The following CFAP65 variants were observed in gnomAD, a reference collection of about 807,000 sequenced individuals.
CFAP65 encodes the protein cilia and flagella associated protein 65, also known as cilia- and flagella-associated protein 65.
CFAP65 carries 155 observed loss-of-function variants against 208.0 expected under a neutral mutation model. The ratio of observed to expected loss-of-function variants is 0.75; its 90% confidence interval spans 0.65 to 0.85. CFAP65 has a LOEUF of 0.85. Ranked by LOEUF, CFAP65 falls within the 40% of genes least tolerant of loss-of-function variation. The pLI is 0.00. For missense variants in CFAP65, 2,294 were observed against 2,451.3 expected (o/e 0.94, Z 1.36); for synonymous variants, 970 against 986.3 (o/e 0.98, Z 0.31).
chr2:219,009,010 A>T, intron 29 of CFAP65, 37 bp downstream of exon 29: 1 of 1,558,914 alleles, frequency 6.4e-7, no homozygotes, highest in Non-Finnish European at 8.8e-7. Flanking sequence ...CCAGTCAGAA[A>T]GATCTGGGTG....
rs898505571 is a variant in CFAP65, at chr2:219,004,905, C to CTCTT, written c.5052-454_5052-451dup. ...TTCTTTTCTCTCTCTCTCTATTTCT[C>CTCTT]TCTTTCTTTCTCTCTCTTTCTCTCC... On this transcript the variant is annotated intron_variant, in intron 32 of 34. Transcript: ENST00000341552. This position sits in a 1 kb window ranked among gnomAD's most constrained non-coding sequence, Gnocchi z 4.7. 1.3e-5 allele frequency among the ~76,000 whole-genome samples: 2 copies of CTCTT among 151,570 alleles called. No homozygotes were observed. The highest frequency in any genetic ancestry group is 1.3e-4 in the Admixed American group (2 of 15,212).
At chr2:219,029,864 G>A (rs1947898043) in intron 10 of CFAP65, 122 bp downstream of exon 10, 2 of 1,133,626 alleles carry the variant, frequency 1.8e-6, no homozygotes, top group Non-Finnish European at 2.5e-6. Context: ...GCCACCAGGG[G>A]GCAGCAGACA....
intron 13 of CFAP65, chr2:219,027,181 G>C (rs1288474509): frequency 8.2e-7 from 1 of 1,223,890 alleles, no homozygotes; most frequent in Non-Finnish European, 1.0e-6. Flanking sequence ...GGGGACAGCC[G>C]GCACTCGGAG....
rs1247738561 is a variant in CFAP65, at chr2:219,002,921, G to A, written c.*16C>T. On this transcript the variant is annotated 3_prime_UTR_variant, in exon 35 of 35. Coordinates refer to ENST00000341552, the MANE Select transcript of CFAP65 (RefSeq NM_194302.4). This position sits in a 1 kb window ranked among gnomAD's most constrained non-coding sequence, Gnocchi z 7.9. ...GTGACCCCTAGCGGCATGTCGGAGA[G>A]GCTGGGCGCGGGCATTTACGGAAGG... is the stretch of plus-strand genomic sequence containing the variant. 6.4e-7 allele frequency: 1 copy of A among 1,560,208 alleles called. No homozygotes were observed. Among genetic ancestry groups the A allele is most frequent in the Admixed American group, 2.0e-5 (1 of 51,174 alleles).
rs762731091 is a variant in CFAP65, at chr2:219,027,964, T to TG, written c.1896dup (p.Met633HisfsTer35). 3 of 1,515,734 alleles carry TG rather than the reference T, an allele frequency of 2.0e-6. No homozygotes were observed. The highest frequency in any genetic ancestry group is 8.8e-7 in the Non-Finnish European group (1 of 1,132,678). The allele number at this position is 1,515,734 out of a possible 1,614,324, so 93.9% of individuals were successfully genotyped here. Reference sequence around the variant, plus strand: ...GTGCCGTCGAAGAAGAACTCGGTCATGGGGGGGATATAAGGGTACTGCGGG... The same window carrying TG: ...GTGCCGTCGAAGAAGAACTCGGTCATGGGGGGGGATATAAGGGTACTGCGGG... On this transcript the variant is annotated frameshift_variant, in exon 13 of 35. Transcript: ENST00000341552. LOFTEE classifies it high-confidence loss of function.
Position 219,038,368 on chromosome 2 carries a change from T to A in CFAP65, c.357+7A>T. On this transcript the variant is annotated splice_region_variant and intron_variant, in intron 4 of 34. Coordinates refer to ENST00000341552, the MANE Select transcript of CFAP65 (RefSeq NM_194302.4). ...CCCTGCTCTGCCTGCCCTGGCTGTA[T>A]CCTTACCTGGGCGCTGATGGTGCTG... is the stretch of plus-strand genomic sequence containing the variant. The A allele has an allele frequency of 6.2e-7, 1 of 1,612,410 alleles. No individual in the cohort carries two copies. Among genetic ancestry groups the A allele is most frequent in the Non-Finnish European group, 8.5e-7 (1 of 1,179,894 alleles).
chr2:219,022,595 C>T (rs2106179376), intron 16 of CFAP65, among the ~76,000 whole-genome samples: 1 of 152,314 alleles, frequency 6.6e-6, no homozygotes, highest in South Asian at 2.1e-4. Flanking sequence ...TGCCCAGGGT[C>T]AGACAGTAGT....
At chr2:219,016,546 C>T (rs543204484) in intron 21 of CFAP65, among the ~76,000 whole-genome samples, 11 of 152,218 alleles carry the variant, frequency 7.2e-5, no homozygotes, top group African/African-American at 2.4e-4. Flanking sequence ...CTTCCCACCT[C>T]GGCCTCCCAA....
intron 26 of CFAP65, 28 bp from the exon 27 acceptor site, chr2:219,010,113 A>G (rs772460001): frequency 6.4e-7 from 1 of 1,558,360 alleles, no homozygotes; most frequent in East Asian, 2.3e-5. Flanking sequence ...AGGTAAAGAA[A>G]TAAGAACCGG....
At position 219,030,179 on chromosome 2, in the gene CFAP65, G is replaced by T; in HGVS notation, c.1191C>A (p.Ser397=). Residue 397 remains serine (S), a synonymous_variant, in exon 10 of 35, where the codon TCC becomes TCA. Coordinates refer to ENST00000341552, the MANE Select transcript of CFAP65 (RefSeq NM_194302.4). ...AVNAPFRIEI[S]PDELAEDQAF... Reference sequence around the variant, plus strand: ...CCTGGTCTTCGGCCAGTTCATCCGGGGAAATTTCAATCCTGAAGGGGGCAT... The same window carrying T: ...CCTGGTCTTCGGCCAGTTCATCCGGTGAAATTTCAATCCTGAAGGGGGCAT... 1.2e-6 allele frequency: 2 copies of T among 1,614,110 alleles called. No homozygotes were observed. The highest frequency in any genetic ancestry group is 1.3e-5 in the African/African-American group (1 of 75,008).
At chr2:219,037,122 T>C (rs1282230577) in intron 4 of CFAP65, among the ~76,000 whole-genome samples, 1 of 152,178 alleles carries the variant, frequency 6.6e-6, no homozygotes, top group Non-Finnish European at 1.5e-5. Context: ...CCGGGTGCAG[T>C]GGCTCACGCC....
chr2:219,015,714 C>T (rs940786198), intron 21 of CFAP65: 14 of 152,108 alleles, frequency 9.2e-5, no homozygotes, highest in African/African-American at 3.1e-4. Context: ...CTTATGTGCA[C>T]GCAACGCACA....
chr2:219,027,348 A>G, intron 13 of CFAP65: 1 of 1,448,696 alleles, frequency 6.9e-7, no homozygotes, highest in Non-Finnish European at 9.1e-7. Flanking sequence ...GAGGCCTCCT[A>G]GCCAGGAGCC....
At position 219,009,394 on chromosome 2, in the gene CFAP65, T is replaced by C. The variant is rs746567608; in HGVS notation, c.4519A>G (p.Arg1507Gly). The C allele has an allele frequency of 9.3e-6, 15 of 1,612,648 alleles. 1 individual carries two copies. In the South Asian group the frequency reaches 1.2e-4, roughly 13 times the overall value. ...EETVPFVVTL[R>G]ASVHASFYSA... Reference sequence around the variant, plus strand: ...TAGAAGCTGGCATGCACAGAGGCCCTCAAGGTCACCACAAATGGGACCGTC... The same window carrying C: ...TAGAAGCTGGCATGCACAGAGGCCCCCAAGGTCACCACAAATGGGACCGTC... The change falls in exon 28 of 35, where the codon AGG becomes GGG. Residue 1507 changes from arginine to glycine, a missense_variant. Physicochemically the swap from Arg to Gly is moderately radical, Grantham distance 125. Around this residue, in one of 2 missense-constraint regions of CFAP65, gnomAD observed 1,427 missense variants for 1,438.7 expected, o/e 0.99. Transcript: ENST00000341552.
chr2:219,035,326 G>T, intron 5 of CFAP65, 154 bp downstream of exon 5: 1 of 1,548,778 alleles, frequency 6.5e-7, no homozygotes, highest in Non-Finnish European at 8.7e-7. Context: ...GATTATAGCT[G>T]CATAATTATT....
intron 16 of CFAP65, among the ~76,000 whole-genome samples, 165 bp downstream of exon 16, chr2:219,023,042 G>T (rs770859552): frequency 6.6e-6 from 1 of 152,216 alleles, no homozygotes; most frequent in African/African-American, 2.4e-5. Context: ...TTTGTAAAAT[G>T]GTGGGGGGAT....
rs5838715 is a variant in CFAP65 at position 219,031,925 on chromosome 2, C to CTT, written c.646-269_646-268dup. 6.1e-5 allele frequency among the ~76,000 whole-genome samples: 8 copies of CTT among 131,372 alleles called. No homozygotes were observed. Among genetic ancestry groups the CTT allele is most frequent in the Non-Finnish European group, 9.9e-5 (6 of 60,864 alleles). 86.2% of individuals were successfully genotyped at this position (131,372 alleles called of 152,430 possible). ...ATGTAGAAGGGGTTTCTTTTCTTTT[C>CTT]TTTTTTTTTTTTTTTTTTTGAGTCT... On this transcript the variant is annotated intron_variant, in intron 6 of 34. Coordinates refer to ENST00000341552, the MANE Select transcript of CFAP65 (RefSeq NM_194302.4). The surrounding 1 kb of genome is among the most constrained non-coding windows in gnomAD (Gnocchi z 5.2).
At chr2:219,041,538 G>A, upstream of CFAP65, 1 of 1,550,502 alleles carries the variant, frequency 6.4e-7, no homozygotes. Flanking sequence ...AGGAAACGGC[G>A]TCTTCAGATA....
At chr2:219,028,114 T>C in intron 12 of CFAP65, 87 bp downstream of exon 12, 1 of 1,565,246 alleles carries the variant, frequency 6.4e-7, no homozygotes, top group South Asian at 1.2e-5. Flanking sequence ...TCGCCCTGAC[T>C]ACTAATGGTG....
Sources: allele counts gnomAD v4.1 joint callset (sites outside exome capture counted in the v4.1 genomes callset), GRCh38; gene constraint gnomAD v4.1.1; regional missense constraint gnomAD v4.1.1; non-coding constraint Gnocchi (gnomAD v3.1); transcripts MANE v1.5; gene names NCBI Gene and HGNC (gene_info 2026-07-23, HGNC 2026-07-21).